SCARB1: variants seen among roughly 807,000 people sequenced by gnomAD.
SCARB1 encodes scavenger receptor class B member 1.
SCARB1 carries 30 observed loss-of-function variants against 57.2 expected under a neutral mutation model. The observed-to-expected ratio is 0.52, with a 90% CI of 0.39 to 0.71. The LOEUF (loss-of-function observed/expected upper bound fraction) is 0.71. SCARB1 is among the 30% of genes least tolerant of loss of function. The pLI is 0.00. For missense variants in SCARB1, 543 were observed against 671.2 expected, an observed-to-expected ratio of 0.81 and a Z score of 2.11; for synonymous variants, 249 against 268.3, an observed-to-expected ratio of 0.93 and a Z score of 0.70.
At chr12:124,840,826 G>A (rs1041776703) in intron 1 of SCARB1, among the ~76,000 whole-genome samples, 2 of 152,014 alleles carry the variant, frequency 1.3e-5, no homozygotes, top group Non-Finnish European at 1.5e-5. Context: ...CCCGCTTCCA[G>A]CCTGGCCCCC....
At position 124,863,677 on chromosome 12, in the gene SCARB1, C is replaced by G. The variant is rs899506370; in HGVS notation, c.44G>C (p.Gly15Ala). 6.4e-7 allele frequency: 1 copy of G among 1,562,582 alleles called. No individual in the cohort carries two copies. The highest frequency in any genetic ancestry group is 8.7e-7 in the Non-Finnish European group (1 of 1,155,468). ...CACAGCGCACAGTAGCCCCGCGACG[C>G]CCAGCGCCCCGGCAGCCCAGCGCGC... ...AKARWAAGAL[G>A]VAGLLCAVLG... Residue 15 changes from glycine to alanine, a missense_variant, in exon 1 of 13, where the codon GGC becomes GCC. Physicochemically the swap from Gly to Ala is moderately conservative, Grantham distance 60 (BLOSUM62 0). Coordinates refer to ENST00000261693, the MANE Select transcript of SCARB1 (RefSeq NM_005505.5).
At chr12:124,799,869 C>A (rs777086491) in intron 8 of SCARB1, among the ~76,000 whole-genome samples, 3 of 152,168 alleles carry the variant, frequency 2.0e-5, no homozygotes, top group Non-Finnish European at 2.9e-5. Context: ...AGGAGACATC[C>A]CAGCTGATAA....
chr12:124,811,493 G>A (rs143611171), intron 5 of SCARB1, among the ~76,000 whole-genome samples: 4,205 of 152,168 alleles, frequency 0.028, 196 homozygotes, highest in African/African-American at 0.095. Context: ...GGCTGGTCTC[G>A]AACTCCTGAC....
At chr12:124,852,380 TC>T (rs1952447576) in intron 1 of SCARB1, among the ~76,000 whole-genome samples, 1 of 152,238 alleles carries the variant, frequency 6.6e-6, no homozygotes, top group East Asian at 1.9e-4. Context: ...TTTGGGGTGT[TC>T]CCCAGGGCGT....
At chr12:124,831,811 G>A (rs116383427) in intron 1 of SCARB1, among the ~76,000 whole-genome samples, 130 of 152,300 alleles carry the variant, frequency 8.5e-4, no homozygotes, top group African/African-American at 2.9e-3. Context: ...ACAGCCCTTC[G>A]TCACTGCGAT....
At position 124,796,970 on chromosome 12, in the gene SCARB1, G is replaced by A. The variant is rs1949964476; in HGVS notation, c.1129-1702C>T. ...GTAGTTCACTGGGCCGAAATTATTT[G>A]TACAAACAATATGGTTCTTGCTCAG... On this transcript the variant is annotated intron_variant, in intron 8 of 12. Coordinates refer to ENST00000261693, the MANE Select transcript of SCARB1 (RefSeq NM_005505.5). The surrounding 1 kb of genome is among the most constrained non-coding windows in gnomAD (Gnocchi z 4.0). Among the ~76,000 whole-genome samples, 2 of 152,174 alleles carry A rather than the reference G, an allele frequency of 1.3e-5. No individual in the cohort carries two copies. The highest frequency in any genetic ancestry group is 4.8e-5 in the African/African-American group (2 of 41,446).
In SCARB1 at chr12:124,856,350, GGTGT is replaced by G. The variant is rs555248782; in HGVS notation, c.126+7241_126+7244del. Among the ~76,000 whole-genome samples, 222 of 152,298 alleles carry G rather than the reference GGTGT, an allele frequency of 1.5e-3. 1 individual carries two copies. Among genetic ancestry groups the G allele is most frequent in the African/African-American group, 5.0e-3 (208 of 41,558 alleles). On this transcript the variant is annotated intron_variant, in intron 1 of 12. Transcript: ENST00000261693. ...AGGCAGGTGTGTGCATGCCTACACA[GGTGT>G]GTGTGTCACTGTTTTCACCATCAGC...
At chr12:124,795,289 A>G (rs1463703427) in intron 8 of SCARB1, 21 bp from the exon 9 acceptor site, 1 of 1,607,592 alleles carries the variant, frequency 6.2e-7, no homozygotes, top group South Asian at 1.1e-5. Flanking sequence ...AAACACAGTG[A>G]GGAGACTGGC....
chr12:124,792,164 C>T (rs890347307), intron 9 of SCARB1, among the ~76,000 whole-genome samples: 3 of 152,166 alleles, frequency 2.0e-5, no homozygotes, highest in Non-Finnish European at 2.9e-5. Flanking sequence ...ATTCAAGTAA[C>T]ATGCAACCCC....
chr12:124,843,512 C>G (rs527558703), intron 1 of SCARB1, among the ~76,000 whole-genome samples: 2 of 152,216 alleles, frequency 1.3e-5, no homozygotes, highest in East Asian at 3.9e-4. Flanking sequence ...AGTAATGGGA[C>G]CTGGATTTGA....
In SCARB1 at chr12:124,814,096, G is replaced by A; in HGVS notation, c.630+106C>T. On this transcript the variant is annotated intron_variant, in intron 4 of 12. Coordinates refer to ENST00000261693, the MANE Select transcript of SCARB1 (RefSeq NM_005505.5). The surrounding 1 kb of genome is among the most constrained non-coding windows in gnomAD (Gnocchi z 4.7). ...AGTCACTTACAACCCACAGCCACTA[G>A]ATCCCCAGCCAGCTACAAAGCAAGC... 2 of 1,062,060 alleles carry A rather than the reference G, an allele frequency of 1.9e-6. No individual in the cohort carries two copies. Among genetic ancestry groups the A allele is most frequent in the South Asian group, 1.3e-5 (1 of 79,402 alleles). 65.8% of individuals were successfully genotyped at this position (1,062,060 alleles called of 1,614,324 possible). A position where few individuals can be genotyped will look rare whatever the true frequency, so the allele number is the denominator to read the frequency against.
At chr12:124,839,727 C>CAATATTTGAGATTTTCTGTTTT (rs1566236561) in intron 1 of SCARB1, 8 of 87,852 alleles carry the variant, frequency 9.1e-5, no homozygotes, top group African/African-American at 2.9e-4. Flanking sequence ...GCACCCTCAC[C>CAATATTTGAGATTTTCTGTTTT]CCAACGGCAC....
chr12:124,786,375 G>C lies in SCARB1; in HGVS notation c.1383C>G (p.Ile461Met), dbSNP rs1322833796. 1 of 1,614,096 alleles carries C rather than the reference G, an allele frequency of 6.2e-7. No homozygotes were observed. Among genetic ancestry groups the C allele is most frequent in the East Asian group, 2.2e-5 (1 of 44,890 alleles). ...LGCVLLLVPV[I>M]CQIRSQEKCY... ...CACCTACTTGGCTCCGGATTTGGCA[G>C]ATGACAGGGACCAGCAGCAGGACGC... is the stretch of plus-strand genomic sequence containing the variant. Residue 461 changes from isoleucine (I) to methionine (M), a missense_variant, in exon 11 of 13, where the codon ATC (isoleucine) becomes ATG (methionine). Transcript: ENST00000261693.
Position 124,814,237 on chromosome 12 carries a change from A to G in SCARB1, c.595T>C (p.Phe199Leu), listed in dbSNP as rs530493128. The change falls in exon 4 of 13, where the codon TTC becomes CTC. Residue 199 changes from phenylalanine to leucine, a missense_variant. Physicochemically the swap from Phe to Leu is conservative, Grantham distance 22. Transcript: ENST00000261693. The surrounding 1 kb of genome is among the most constrained non-coding windows in gnomAD (Gnocchi z 4.7). ...AATCCGAACTTGTCCTTGAAGGGGA[A>G]CATGCCTGGAAAGTACTTGTTGATG... ...NLINKYFPGM[F>L]PFKDKFGLFA... The G allele has an allele frequency of 6.2e-7, 1 of 1,614,222 alleles. No homozygotes were observed. The highest frequency in any genetic ancestry group is 1.1e-5 in the South Asian group (1 of 91,090).
intron 12 of SCARB1, among the ~76,000 whole-genome samples, chr12:124,781,423 C>T (rs1004886566): frequency 1.3e-5 from 2 of 152,160 alleles, no homozygotes; most frequent in African/African-American, 4.8e-5. Context: ...ATCAGAGGCA[C>T]CACGGTAGAG....
At chr12:124,806,818 C>T (rs1184938490) in intron 7 of SCARB1, among the ~76,000 whole-genome samples, 1 of 152,150 alleles carries the variant, frequency 6.6e-6, no homozygotes. Context: ...AGGAAGATCG[C>T]TTGAGCCCAT....
At chr12:124,854,467 A>C (rs1952551547) in intron 1 of SCARB1, among the ~76,000 whole-genome samples, 1 of 152,102 alleles carries the variant, frequency 6.6e-6, no homozygotes, top group Non-Finnish European at 1.5e-5. Flanking sequence ...TGCTAAGTGC[A>C]ATCTTGATGG....
At chr12:124,837,564 A>AAAG (rs1247714148) in intron 1 of SCARB1, among the ~76,000 whole-genome samples, 6 of 14,192 alleles carry the variant, frequency 4.2e-4, no homozygotes, top group East Asian at 0.022. Flanking sequence ...AAAAGAAAAG[A>AAAG]AAAGAAAAGA....
At chr12:124,840,961 G>A (rs1172606504) in intron 1 of SCARB1, among the ~76,000 whole-genome samples, 1 of 152,070 alleles carries the variant, frequency 6.6e-6, no homozygotes, top group Non-Finnish European at 1.5e-5. Context: ...CTGAGGTCAG[G>A]GGTTCAAGAC....
Sources: gnomAD v4.1 joint callset for allele counts (sites outside exome capture counted in the v4.1 genomes callset) on GRCh38, gnomAD v4.1.1 for gene constraint, Gnocchi (gnomAD v3.1) non-coding constraint, MANE v1.5 for transcripts, NCBI Gene and HGNC (gene_info 2026-07-23, HGNC 2026-07-21) for gene names.